TBXT: variants seen among roughly 807,000 people sequenced by gnomAD.
The protein encoded by TBXT is T-box transcription factor T, also known as T brachyury transcription factor.
Under a neutral mutation model 41.1 loss-of-function variants are expected in TBXT, and 19 were observed. The ratio of observed to expected loss-of-function variants is 0.46; its 90% confidence interval spans 0.32 to 0.68. The LOEUF is 0.68. Among genes scored for constraint, TBXT ranks in the 30% least tolerant of loss-of-function variants. TBXT has a pLI of 0.03. For missense variants in TBXT, 536 were observed against 582.0 expected, an observed-to-expected ratio of 0.92 and a Z score of 0.81; for synonymous variants, 213 against 238.9, an observed-to-expected ratio of 0.89 and a Z score of 1.00.
upstream of TBXT, chr6:166,168,501 C>G (rs1259330955): frequency 6.6e-6 from 1 of 152,388 alleles, no homozygotes; most frequent in Non-Finnish European, 1.5e-5. Context: ...CGTCCCTCGC[C>G]CACGGAGCCC....
In TBXT at chr6:166,166,961, C is replaced by T. The variant is rs1054934325; in HGVS notation, c.207-105G>A. On this transcript the variant is annotated intron_variant, in intron 1 of 7. Transcript: ENST00000366876. ...CAGTTATTTCGGGGCACAGAGGAGC[C>T]CCCTGGGGAACGTCCGAGGGTGACT... The T allele has an allele frequency of 6.9e-6, 11 of 1,582,964 alleles. No homozygotes were observed. The African/African-American group carries it at 9.4e-5, about 14-fold the overall frequency.
intron 7 of TBXT, 74 bp downstream of exon 7, chr6:166,160,763 T>G (rs903469853): frequency 8.7e-6 from 14 of 1,602,900 alleles, no homozygotes; most frequent in Admixed American, 5.0e-5. Context: ...TAAGGGCCTA[T>G]GGGAATGGAA....
Position 166,162,512 on chromosome 6 carries a change from G to T in TBXT, c.842C>A (p.Pro281Gln). The T allele has an allele frequency of 6.2e-7, 1 of 1,614,132 alleles. No homozygotes were observed. The highest frequency in any genetic ancestry group is 8.5e-7 in the Non-Finnish European group (1 of 1,180,018). ...TGAGGACCGGTGGCTCCTCAGGGTT[G>T]GGTACCTGTCACAGCTGTGCGTGGA... is the stretch of plus-strand genomic sequence containing the variant. ...LPSTHSCDRY[P>Q]TLRSHRSSPY... The change falls in exon 6 of 8, where the codon CCA (proline) becomes CAA (glutamine). Residue 281 changes from proline to glutamine, a missense_variant. Physicochemically the swap from Pro to Gln is moderately conservative, Grantham distance 76 (BLOSUM62 -1). Coordinates refer to ENST00000366876, the MANE Select transcript of TBXT (RefSeq NM_001366285.2).
intron 5 of TBXT, among the ~76,000 whole-genome samples, chr6:166,163,737 C>A (rs112983968): frequency 1.3e-5 from 2 of 152,194 alleles, no homozygotes; most frequent in African/African-American, 4.8e-5. Context: ...CAACCCCTAG[C>A]GGGACAACTA....
At chr6:166,161,563 G>GCCTA (rs1778955300) in intron 6 of TBXT, among the ~76,000 whole-genome samples, 1 of 152,228 alleles carries the variant, frequency 6.6e-6, no homozygotes, top group African/African-American at 2.4e-5. Context: ...TAGGCCAGGG[G>GCCTA]ATCTTTATGG....
rs989818664 is a variant in TBXT at position 166,162,303 on chromosome 6, T to C, written c.907+144A>G. On this transcript the variant is annotated intron_variant, in intron 6 of 7. Transcript: ENST00000366876. ...GAGACATAAATTGAAGATCTTCTCT[T>C]GAGCTACTAAAAAACTGGGCTTGGG... The C allele has an allele frequency of 6.0e-6, 5 of 834,502 alleles. No homozygotes were observed. In the African/African-American group the frequency reaches 6.8e-5, roughly 11 times the overall value. 51.7% of individuals were successfully genotyped at this position (834,502 alleles called of 1,614,324 possible). A position where few individuals can be genotyped will look rare whatever the true frequency, so the allele number is the denominator to read the frequency against.
chr6:166,163,527 G>A (rs1779020339), intron 5 of TBXT, among the ~76,000 whole-genome samples: 1 of 152,148 alleles, frequency 6.6e-6, no homozygotes, highest in East Asian at 1.9e-4. Context: ...GGGATTACAG[G>A]CGCCCACCAT....
At chr6:166,166,561 G>T in intron 2 of TBXT, 31 bp downstream of exon 2, 2 of 1,613,164 alleles carry the variant, frequency 1.2e-6, no homozygotes, top group Non-Finnish European at 1.7e-6. Context: ...CTCCTCGCTG[G>T]TCCCAGACCT....
chr6:166,166,562 T>A, intron 2 of TBXT, 30 bp downstream of exon 2: 3 of 1,613,250 alleles, frequency 1.9e-6, no homozygotes, highest in Non-Finnish European at 2.5e-6. Flanking sequence ...TCCTCGCTGG[T>A]CCCAGACCTG....
In TBXT at chr6:166,166,805, G is replaced by A; in HGVS notation, c.258C>T (p.Ala86=). The part of the protein sequence containing the change: ...KVNVSGLDPN[A]MYSFLLDFVA... ...CGAAGTCCAGCAGGAAGGAGTACAT[G>A]GCGTTGGGGTCCAGGCCAGACACGT... is the stretch of plus-strand genomic sequence containing the variant. Residue 86 remains alanine (A), a synonymous_variant, in exon 2 of 8, where the codon GCC becomes GCT. Transcript: ENST00000366876. The A allele has an allele frequency of 6.2e-7, 1 of 1,613,910 alleles. No individual in the cohort carries two copies. The highest frequency in any genetic ancestry group is 8.5e-7 in the Non-Finnish European group (1 of 1,180,046).
chr6:166,164,928 A>G, intron 3 of TBXT, 67 bp from the exon 4 acceptor site: 1 of 1,232,050 alleles, frequency 8.1e-7, no homozygotes, highest in Admixed American at 1.8e-5. Context: ...TTTGGCACCA[A>G]GAAATTGAGA....
In TBXT at chr6:166,158,599, A is replaced by G; in HGVS notation, c.1038-11T>C. Reference sequence around the variant, plus strand: ...AGGCTGGGGTACTGACTGCAACAGAAAGACACCAGTGAGCAGGGCCTGGGC... The same window carrying G: ...AGGCTGGGGTACTGACTGCAACAGAGAGACACCAGTGAGCAGGGCCTGGGC... On this transcript the variant is annotated splice_polypyrimidine_tract_variant and intron_variant, in intron 7 of 7. Transcript: ENST00000366876. The G allele has an allele frequency of 6.6e-7, 1 of 1,509,360 alleles. No individual in the cohort carries two copies. The highest frequency in any genetic ancestry group is 1.3e-5 in the South Asian group (1 of 77,546). The allele number at this position is 1,509,360 out of a possible 1,614,324, so 93.5% of individuals were successfully genotyped here.
Position 166,167,478 on chromosome 6 carries a change from T to A in TBXT, c.114A>T (p.Thr38=), listed in dbSNP as rs757676401. 2 of 1,611,884 alleles carry A rather than the reference T, an allele frequency of 1.2e-6. No individual in the cohort carries two copies. The highest frequency in any genetic ancestry group is 1.7e-6 in the Non-Finnish European group (2 of 1,179,916). ...CCAGGCCCACGCGCAGTTCGCGCTCTGTGGGGTCGCCCTTCTCGCTGCCCG... is the reference window on the plus strand; with the variant it reads ...CCAGGCCCACGCGCAGTTCGCGCTCAGTGGGGTCGCCCTTCTCGCTGCCCG... ...LQAGSEKGDP[T]ERELRVGLEE... is the part of the protein sequence containing the mutation. Residue 38 remains threonine (T), a synonymous_variant, in exon 1 of 8, where the codon ACA becomes ACT. Transcript: ENST00000366876.
At chr6:166,158,657 A>C (rs959045216) in intron 7 of TBXT, 69 bp from the exon 8 acceptor site, 49 of 1,430,200 alleles carry the variant, frequency 3.4e-5, no homozygotes, top group Admixed American at 8.6e-5. Context: ...ATGGAAAAAC[A>C]CACCAGAAAT....
Position 166,158,034 on chromosome 6 carries a change from T to G in TBXT, c.*281A>C. On this transcript the variant is annotated 3_prime_UTR_variant, in exon 8 of 8. Transcript: ENST00000366876. ...AAGTTTCTGGACCCTGGCAAACATTTTTTCACCGTCAGTGAGGTTGGGCCA... is the reference window on the plus strand; with the variant it reads ...AAGTTTCTGGACCCTGGCAAACATTGTTTCACCGTCAGTGAGGTTGGGCCA... 1 of 569,242 alleles carries G rather than the reference T, an allele frequency of 1.8e-6. No homozygotes were observed. 35.3% of individuals were successfully genotyped at this position (569,242 alleles called of 1,614,324 possible). A position where few individuals can be genotyped will look rare whatever the true frequency, so the allele number is the denominator to read the frequency against.
chr6:166,167,280 C>A, intron 1 of TBXT, 106 bp downstream of exon 1: 1 of 1,292,418 alleles, frequency 7.7e-7, no homozygotes, highest in Non-Finnish European at 1.1e-6. Flanking sequence ...AACACAAAGC[C>A]CTCCTCCAGG....
chr6:166,162,312 A>T, intron 6 of TBXT, 135 bp downstream of exon 6: 1 of 967,974 alleles, frequency 1.0e-6, no homozygotes, highest in South Asian at 1.5e-5. Context: ...TTGAGCTACT[A>T]AAAAACTGGG....
intron 2 of TBXT, 109 bp downstream of exon 2, chr6:166,166,483 A>C: frequency 1.3e-6 from 2 of 1,550,312 alleles, no homozygotes; most frequent in East Asian, 4.5e-5. Context: ...TCTCCAGGGC[A>C]GACGTCGCCT....
chr6:166,167,508 C>A lies in TBXT; in HGVS notation c.84G>T (p.Leu28=), dbSNP rs780438912. Reference sequence around the variant, plus strand: ...GGTCGCCCTTCTCGCTGCCCGCCTGCAGCTCATTCTCCACGGCGCTCAGCA... The same window carrying A: ...GGTCGCCCTTCTCGCTGCCCGCCTGAAGCTCATTCTCCACGGCGCTCAGCA... ...DHLLSAVENE[L]QAGSEKGDPT... Residue 28 remains leucine, a synonymous_variant, in exon 1 of 8, where the codon CTG becomes CTT. Coordinates refer to ENST00000366876, the MANE Select transcript of TBXT (RefSeq NM_001366285.2). The A allele has an allele frequency of 2.5e-6, 4 of 1,607,878 alleles. No individual in the cohort carries two copies. Among genetic ancestry groups the A allele is most frequent in the South Asian group, 1.1e-5 (1 of 90,954 alleles).
Sources: allele counts gnomAD v4.1 joint callset (sites outside exome capture counted in the v4.1 genomes callset), GRCh38; gene constraint gnomAD v4.1.1; transcripts MANE v1.5; gene names NCBI Gene and HGNC (gene_info 2026-07-23, HGNC 2026-07-21).